SFT2D2: variants seen among roughly 807,000 people sequenced by gnomAD.
SFT2D2 encodes SFT2 domain containing 2, also known as vesicle transport protein SFT2B.
In SFT2D2, 21 loss-of-function variants were observed where a neutral mutation model predicts 27.4. The ratio of observed to expected loss-of-function variants is 0.77; its 90% CI spans 0.54 to 1.10. The LOEUF is 1.10. Ranked by LOEUF, SFT2D2 falls within the 50% of genes least tolerant of loss-of-function variation. The pLI is 0.00. For missense variants in SFT2D2, 187 were observed against 194.2 expected (o/e 0.96, Z 0.22); for synonymous variants, 72 against 71.7 (o/e 1.00, Z -0.02).
In SFT2D2 at chr1:168,246,569, G is replaced by T; in HGVS notation, c.*4029G>T. ...TTAGAAAGTTGCTGAGAAAGAATCAGAACATGAGAATTCAAATTTTCCTGT... is the reference window on the plus strand; with the variant it reads ...TTAGAAAGTTGCTGAGAAAGAATCATAACATGAGAATTCAAATTTTCCTGT... On this transcript the variant is annotated 3_prime_UTR_variant, in exon 8 of 8. Transcript: ENST00000271375. 1 of 1,512,336 alleles carries T rather than the reference G, an allele frequency of 6.6e-7. No individual in the cohort carries two copies. The highest frequency in any genetic ancestry group is 1.1e-5 in the South Asian group (1 of 89,574). 93.7% of individuals were successfully genotyped at this position (1,512,336 alleles called of 1,614,324 possible).
intron 1 of SFT2D2, among the ~76,000 whole-genome samples, chr1:168,229,982 C>T (rs1006834642): frequency 2.6e-5 from 4 of 152,214 alleles, no homozygotes; most frequent in Admixed American, 1.3e-4. Flanking sequence ...TGTCTGTTAT[C>T]ATCCCTAATT....
At chr1:168,238,516 A>AAAC (rs1558177448) in intron 6 of SFT2D2, among the ~76,000 whole-genome samples, 1 of 151,844 alleles carries the variant, frequency 6.6e-6, no homozygotes, top group African/African-American at 2.4e-5. Context: ...AACAAACAAA[A>AAAC]AAAAACATTA....
chr1:168,236,524 A>G (rs1157415720), intron 4 of SFT2D2, 65 bp from the exon 5 acceptor site: 11 of 1,494,122 alleles, frequency 7.4e-6, no homozygotes, highest in Non-Finnish European at 9.2e-6. Flanking sequence ...AAGAATAACA[A>G]GTTTTGAGTT....
At chr1:168,230,694 C>T (rs1647244400) in intron 1 of SFT2D2, among the ~76,000 whole-genome samples, 1 of 152,086 alleles carries the variant, frequency 6.6e-6, no homozygotes, top group South Asian at 2.1e-4. Context: ...AGGCTGGTCT[C>T]GAACTCCTGA....
At position 168,242,634 on chromosome 1, in the gene SFT2D2, A is replaced by G. The variant is rs1647679632; in HGVS notation, c.*94A>G. 30 of 1,440,474 alleles carry G rather than the reference A, an allele frequency of 2.1e-5. No individual in the cohort carries two copies. In the South Asian group the frequency reaches 3.1e-4, roughly 15 times the overall value. The allele number at this position is 1,440,474 out of a possible 1,614,324, so 89.2% of individuals were successfully genotyped here. On this transcript the variant is annotated 3_prime_UTR_variant, in exon 8 of 8. Transcript: ENST00000271375. Reference sequence around the variant, plus strand: ...TCTTCGAAACCTCTGTCTTACAGACATGTGCCTTTTATCTTGCAGCAATGT... The same window carrying G: ...TCTTCGAAACCTCTGTCTTACAGACGTGTGCCTTTTATCTTGCAGCAATGT...
In SFT2D2 at chr1:168,250,852, T is replaced by C. The variant is rs147471218; in HGVS notation, c.*8312T>C. The C allele has an allele frequency of 6.6e-6, 1 of 152,226 alleles. No individual in the cohort carries two copies. The highest frequency in any genetic ancestry group is 1.5e-5 in the Non-Finnish European group (1 of 68,082). The allele number at this position is 152,226 out of a possible 1,614,324, so 9.4% of individuals were successfully genotyped here. On this transcript the variant is annotated 3_prime_UTR_variant, in exon 8 of 8. Transcript: ENST00000271375. ...GGGAAGGGCAAAACATGGTCCCCAG[T>C]GTAGCATTTTCACTGGGTTGATTAT...
Position 168,252,055 on chromosome 1 carries a change from T to A in SFT2D2, c.*9515T>A, listed in dbSNP as rs1452385744. On this transcript the variant is annotated 3_prime_UTR_variant, in exon 8 of 8. Transcript: ENST00000271375. ...CCCTAAATTCATAGTCCCTGATACT[T>A]AAGCTTTACCCTTGGCTTACCAGTT... 4 of 152,214 alleles carry A rather than the reference T, an allele frequency of 2.6e-5. No individual in the cohort carries two copies. The highest frequency in any genetic ancestry group is 6.5e-5 in the Admixed American group (1 of 15,288). The allele number at this position is 152,214 out of a possible 1,614,324, so 9.4% of individuals were successfully genotyped here.
At position 168,247,010 on chromosome 1, in the gene SFT2D2, A is replaced by G; in HGVS notation, c.*4470A>G. On this transcript the variant is annotated 3_prime_UTR_variant, in exon 8 of 8. Transcript: ENST00000271375. ...ACAGGTCTTCTTCTTTTTCATGACT[A>G]TCAGAAATCTCAAACTGCAGAGTTC... The G allele has an allele frequency of 1.9e-6, 1 of 514,536 alleles. No individual in the cohort carries two copies. 31.9% of individuals were successfully genotyped at this position (514,536 alleles called of 1,614,324 possible). A position where few individuals can be genotyped will look rare whatever the true frequency, so the allele number is the denominator to read the frequency against.
At chr1:168,234,883 G>GT in intron 3 of SFT2D2, among the ~76,000 whole-genome samples, 1 of 152,324 alleles carries the variant, frequency 6.6e-6, no homozygotes, top group Middle Eastern at 3.4e-3. Flanking sequence ...CTTGGATAAA[G>GT]TAACTCTGTG....
chr1:168,236,542 TC>T (rs1647508648), intron 4 of SFT2D2, 46 bp from the exon 5 acceptor site: 16 of 1,563,236 alleles, frequency 1.0e-5, no homozygotes, highest in Admixed American at 1.8e-5. Flanking sequence ...GTTTTTTTTT[TC>T]CTGCCATGTT....
rs549670099 is a variant in SFT2D2, at chr1:168,226,107, G to T, written c.28G>T (p.Gly10Trp). 1 of 1,535,306 alleles carries T rather than the reference G, an allele frequency of 6.5e-7. No homozygotes were observed. The highest frequency in any genetic ancestry group is 1.4e-5 in the African/African-American group (1 of 71,680). Residue 10 changes from glycine to tryptophan, a missense_variant, in exon 1 of 8, where the codon GGG (glycine) becomes TGG (tryptophan). Gly to Trp is a radical substitution (Grantham distance 184, BLOSUM62 -2). Coordinates refer to ENST00000271375, the MANE Select transcript of SFT2D2 (RefSeq NM_199344.3). MDKLKKVLS[G>W]QDTEDRSGLS... The stretch of plus-strand genomic sequence containing the variant: ...GGACAAGCTGAAGAAGGTGCTGAGC[G>T]GGCAGGACACGGAGGACCGGAGCGG...
chr1:168,239,501 T>C (rs1419619960), intron 7 of SFT2D2, among the ~76,000 whole-genome samples: 1 of 149,088 alleles, frequency 6.7e-6, no homozygotes, highest in Non-Finnish European at 1.5e-5. Context: ...TCATTTCATA[T>C]CACTGAGTAA....
rs1647948940 is a variant in SFT2D2 at position 168,251,368 on chromosome 1, T to C, written c.*8828T>C. 1 of 152,080 alleles carries C rather than the reference T, an allele frequency of 6.6e-6. No individual in the cohort carries two copies. The highest frequency in any genetic ancestry group is 6.6e-5 in the Admixed American group (1 of 15,250). The allele number at this position is 152,080 out of a possible 1,614,324, so 9.4% of individuals were successfully genotyped here. On this transcript the variant is annotated 3_prime_UTR_variant, in exon 8 of 8. Coordinates refer to ENST00000271375, the MANE Select transcript of SFT2D2 (RefSeq NM_199344.3). ...TTGATACTTCTGTTAAAATAGATAA[T>C]AAGGAACCATATCTTAAAGTGTGGA... is the stretch of plus-strand genomic sequence containing the variant.
chr1:168,246,452 T>C lies in SFT2D2; in HGVS notation c.*3912T>C. 1.6e-6 allele frequency: 2 copies of C among 1,241,540 alleles called. No individual in the cohort carries two copies. Among genetic ancestry groups the C allele is most frequent in the Non-Finnish European group, 2.2e-6 (2 of 910,536 alleles). 76.9% of individuals were successfully genotyped at this position (1,241,540 alleles called of 1,614,324 possible). On this transcript the variant is annotated 3_prime_UTR_variant, in exon 8 of 8. Coordinates refer to ENST00000271375, the MANE Select transcript of SFT2D2 (RefSeq NM_199344.3). ...TTTGACACCGTTTGGTTTAGCTCTCTTTGTATGTGTTCAAAAACCAAAGCG... is the reference window on the plus strand; with the variant it reads ...TTTGACACCGTTTGGTTTAGCTCTCCTTGTATGTGTTCAAAAACCAAAGCG...
Position 168,246,471 on chromosome 1 carries a change from C to G in SFT2D2, c.*3931C>G. On this transcript the variant is annotated 3_prime_UTR_variant, in exon 8 of 8. Coordinates refer to ENST00000271375, the MANE Select transcript of SFT2D2 (RefSeq NM_199344.3). ...GCTCTCTTTGTATGTGTTCAAAAAC[C>G]AAAGCGTTTTCTTTCAGAGCCTCTC... is the stretch of plus-strand genomic sequence containing the variant. 1.5e-6 allele frequency: 2 copies of G among 1,361,524 alleles called. No individual in the cohort carries two copies. Among genetic ancestry groups the G allele is most frequent in the East Asian group, 2.6e-5 (1 of 37,798 alleles). The allele number at this position is 1,361,524 out of a possible 1,614,324, so 84.3% of individuals were successfully genotyped here.
At chr1:168,237,421 T>C (rs572131345) in intron 6 of SFT2D2, among the ~76,000 whole-genome samples, 14 of 152,292 alleles carry the variant, frequency 9.2e-5, no homozygotes, top group Admixed American at 2.0e-4. Context: ...TGAGTGGGGC[T>C]GTAGGTTCAT....
chr1:168,248,112 G>A lies in SFT2D2; in HGVS notation c.*5572G>A, dbSNP rs1647867619. ...GATTGCAAAAATTTTCTCCCATTCT[G>A]TAGGTTGCCTGTTCACTCTGATGAT... On this transcript the variant is annotated 3_prime_UTR_variant, in exon 8 of 8. Coordinates refer to ENST00000271375, the MANE Select transcript of SFT2D2 (RefSeq NM_199344.3). The A allele has an allele frequency of 6.6e-6, 1 of 152,216 alleles. No individual in the cohort carries two copies. The highest frequency in any genetic ancestry group is 1.5e-5 in the Non-Finnish European group (1 of 68,036). The allele number at this position is 152,216 out of a possible 1,614,324, so 9.4% of individuals were successfully genotyped here.
intron 1 of SFT2D2, among the ~76,000 whole-genome samples, chr1:168,226,459 A>C (rs1700460207): frequency 2.0e-5 from 3 of 151,646 alleles, no homozygotes; most frequent in South Asian, 2.1e-4. Context: ...CGGCCGGGGA[A>C]TGCGCTTTAG....
chr1:168,242,044 C>T (rs2280990), intron 7 of SFT2D2, among the ~76,000 whole-genome samples: 105,324 of 152,086 alleles, frequency 0.69, 36,574 homozygotes, highest in Non-Finnish European at 0.72. Context: ...GTGATAAGGC[C>T]ATTATAGCAT....
Sources: gnomAD v4.1 joint callset for allele counts (sites outside exome capture counted in the v4.1 genomes callset) on GRCh38, gnomAD v4.1.1 for gene constraint, MANE v1.5 for transcripts, NCBI Gene and HGNC (gene_info 2026-07-23, HGNC 2026-07-21) for gene names.